The following COQ8A variants were observed in gnomAD, a reference collection of about 807,000 sequenced individuals.
COQ8A encodes the protein atypical kinase COQ8A, mitochondrial.
A neutral mutation model predicts 65.0 loss-of-function variants in COQ8A; 51 were observed. That is an observed-to-expected ratio of 0.78 (90% CI 0.63 to 0.99). The LOEUF (loss-of-function observed/expected upper bound fraction) is 0.99. COQ8A is among the 50% of genes least tolerant of loss of function. The pLI, the probability that COQ8A is intolerant of heterozygous loss-of-function variation, is 0.00. For missense variants in COQ8A, 940 were observed against 875.0 expected (o/e 1.07, Z -0.94); for synonymous variants, 371 against 353.2 (o/e 1.05, Z -0.57).
At chr1:226,981,889 T>C in intron 5 of COQ8A, 138 bp from the exon 6 acceptor site, 1 of 1,300,716 alleles carries the variant, frequency 7.7e-7, no homozygotes, top group Non-Finnish European at 1.1e-6. Flanking sequence ...CATGGAACAG[T>C]AGTTAGTTAT....
Position 226,949,938 on chromosome 1 carries a change from A to C in COQ8A, c.-10+9539A>C, listed in dbSNP as rs1473043340. 6.6e-6 allele frequency among the ~76,000 whole-genome samples: 1 copy of C among 152,240 alleles called. No homozygotes were observed. The highest frequency in any genetic ancestry group is 2.4e-5 in the African/African-American group (1 of 41,458). ...AGTGGCAGAGTCATGATGTGAACCC[A>C]GATCACCTAACCTCAGAGCATCTTA... is the stretch of plus-strand genomic sequence containing the variant. On this transcript the variant is annotated intron_variant, in intron 1 of 14. Coordinates refer to ENST00000366777, the MANE Select transcript of COQ8A (RefSeq NM_020247.5). The surrounding 1 kb of genome is among the most constrained non-coding windows in gnomAD (Gnocchi z 4.0).
In COQ8A at chr1:226,972,451, A is replaced by C. The variant is rs763352303; in HGVS notation, c.656-4998A>C. Among the ~76,000 whole-genome samples the C allele has an allele frequency of 6.6e-5, 10 of 152,308 alleles. No homozygotes were observed. The highest frequency in any genetic ancestry group is 2.2e-4 in the African/African-American group (9 of 41,576). ...GAGGGAATGGACCTTTGGGTATCCT[A>C]TTATTTTTAAAAGGTAAAAGGTTGG... On this transcript the variant is annotated intron_variant, in intron 4 of 14. Transcript: ENST00000366777. This position sits in a 1 kb window ranked among gnomAD's most constrained non-coding sequence, Gnocchi z 4.3.
chr1:226,942,101 C>CA (rs754666007), intron 1 of COQ8A, among the ~76,000 whole-genome samples: 18 of 152,096 alleles, frequency 1.2e-4, no homozygotes, highest in Non-Finnish European at 2.4e-4. Flanking sequence ...TTGTGACCAT[C>CA]AAAAGTGTTT....
chr1:226,968,136 A>C (rs1289326025), intron 4 of COQ8A, among the ~76,000 whole-genome samples: 2 of 152,198 alleles, frequency 1.3e-5, no homozygotes, highest in African/African-American at 4.8e-5. Context: ...GTTTGAGACC[A>C]GCCTGGCCAA....
chr1:226,971,054 C>T (rs1361201095), intron 4 of COQ8A, among the ~76,000 whole-genome samples: 1 of 151,984 alleles, frequency 6.6e-6, no homozygotes, highest in East Asian at 2.0e-4. Flanking sequence ...GATTCTCCTG[C>T]CTCAGCCTCC....
chr1:226,944,381 G>A (rs1198977981), intron 1 of COQ8A, among the ~76,000 whole-genome samples: 1 of 152,100 alleles, frequency 6.6e-6, no homozygotes, highest in Non-Finnish European at 1.5e-5. Context: ...CAGGAGAGCA[G>A]AGAGTGGGCT....
chr1:226,983,700 A>T, intron 9 of COQ8A, 61 bp from the exon 10 acceptor site: 5 of 1,612,240 alleles, frequency 3.1e-6, no homozygotes, highest in Non-Finnish European at 4.2e-6. Context: ...GGTTCTGGGG[A>T]CCAGAGGGGG....
intron 1 of COQ8A, among the ~76,000 whole-genome samples, chr1:226,957,818 A>G (rs1190588962): frequency 6.6e-6 from 1 of 152,188 alleles, no homozygotes; most frequent in Non-Finnish European, 1.5e-5. Context: ...GAAGGTCCCC[A>G]TGACCCAAAT....
intron 4 of COQ8A, among the ~76,000 whole-genome samples, chr1:226,974,440 GGATCT>G (rs1378475859): frequency 7.7e-4 from 117 of 152,348 alleles, no homozygotes; most frequent in African/African-American, 2.6e-3. Flanking sequence ...CTTAGAATGT[GGATCT>G]GAGCAGGGAG....
chr1:226,953,271 A>G (rs1416377199), intron 1 of COQ8A, among the ~76,000 whole-genome samples: 2 of 152,000 alleles, frequency 1.3e-5, no homozygotes, highest in South Asian at 4.2e-4. Flanking sequence ...TTCGTGATCC[A>G]CCAGCCTTGG....
chr1:226,987,223 T>A lies in COQ8A; in HGVS notation c.*486T>A. 1 of 186,806 alleles carries A rather than the reference T, an allele frequency of 5.4e-6. No homozygotes were observed. The highest frequency in any genetic ancestry group is 1.1e-5 in the Non-Finnish European group (1 of 88,612). 11.6% of individuals were successfully genotyped at this position (186,806 alleles called of 1,614,324 possible). On this transcript the variant is annotated 3_prime_UTR_variant, in exon 15 of 15. Coordinates refer to ENST00000366777, the MANE Select transcript of COQ8A (RefSeq NM_020247.5). Reference sequence around the variant, plus strand: ...GCCGATGGGCTGGAGCTGGGAGAGGTGCTGAGCTAACAGTGCCAACAAGTG... The same window carrying A: ...GCCGATGGGCTGGAGCTGGGAGAGGAGCTGAGCTAACAGTGCCAACAAGTG...
Position 226,946,694 on chromosome 1 carries a change from T to TG in COQ8A, c.-10+6296dup, listed in dbSNP as rs1419974962. 1.3e-5 allele frequency among the ~76,000 whole-genome samples: 2 copies of TG among 152,222 alleles called. No individual in the cohort carries two copies. The highest frequency in any genetic ancestry group is 3.8e-4 in the East Asian group (2 of 5,200). On this transcript the variant is annotated intron_variant, in intron 1 of 14. Transcript: ENST00000366777. The surrounding 1 kb of genome is among the most constrained non-coding windows in gnomAD (Gnocchi z 5.3). ...AAGCTATCGAGGTTTTACATACACA[T>TG]GTAGTGCCTAAGGGTTGTGTGTGAC...
intron 4 of COQ8A, among the ~76,000 whole-genome samples, chr1:226,969,099 T>C (rs1658735331): frequency 6.6e-6 from 1 of 152,206 alleles, no homozygotes; most frequent in East Asian, 1.9e-4. Context: ...TAATTCATGT[T>C]GAGTGCAGTG....
At chr1:226,944,645 G>T (rs912213195) in intron 1 of COQ8A, among the ~76,000 whole-genome samples, 2 of 148,944 alleles carry the variant, frequency 1.3e-5, no homozygotes, top group Admixed American at 1.3e-4. Flanking sequence ...AGGGGTGGGG[G>T]CTTGAAGAGC....
At position 226,978,858 on chromosome 1, in the gene COQ8A, C is replaced by T. The variant is rs1474568678; in HGVS notation, c.730+1335C>T. On this transcript the variant is annotated intron_variant, in intron 5 of 14. Transcript: ENST00000366777. ...CTTACACACCCACCTCATACCTGCACACCACCTTACACACCCTCCACACAC... is the reference window on the plus strand; with the variant it reads ...CTTACACACCCACCTCATACCTGCATACCACCTTACACACCCTCCACACAC... Among the ~76,000 whole-genome samples, 3 of 125,168 alleles carry T rather than the reference C, an allele frequency of 2.4e-5. 1 individual carries two copies. The highest frequency in any genetic ancestry group is 5.5e-5 in the Non-Finnish European group (3 of 54,370). 82.1% of individuals were successfully genotyped at this position (125,168 alleles called of 152,430 possible). A position where few individuals can be genotyped will look rare whatever the true frequency, so the allele number is the denominator to read the frequency against.
intron 1 of COQ8A, among the ~76,000 whole-genome samples, chr1:226,945,738 A>G (rs1026118108): frequency 1.6e-4 from 25 of 152,234 alleles, no homozygotes; most frequent in Admixed American, 6.5e-5. Context: ...GCTGAGGAAC[A>G]GCTGCCTGCT....
At chr1:226,960,494 G>GTACTTGGTGGTACT (rs1658165521) in intron 1 of COQ8A, among the ~76,000 whole-genome samples, 23 of 58,606 alleles carry the variant, frequency 3.9e-4, no homozygotes, top group South Asian at 1.8e-3. Flanking sequence ...CTTGGTGGTG[G>GTACTTGGTGGTACT]TGGTGGTGCT....
intron 1 of COQ8A, among the ~76,000 whole-genome samples, chr1:226,955,089 A>G (rs1052700032): frequency 6.6e-6 from 1 of 152,004 alleles, no homozygotes; most frequent in African/African-American, 2.4e-5. Context: ...GCCATGGTGA[A>G]CGGTTGCTGC....
intron 5 of COQ8A, among the ~76,000 whole-genome samples, chr1:226,980,216 G>T (rs1659604374): frequency 6.6e-6 from 1 of 152,228 alleles, no homozygotes; most frequent in Non-Finnish European, 1.5e-5. Flanking sequence ...GGGGCACACT[G>T]CCGTAGCCCT....
Sources: gnomAD v4.1 joint callset for allele counts (sites outside exome capture counted in the v4.1 genomes callset) on GRCh38, gnomAD v4.1.1 for gene constraint, Gnocchi (gnomAD v3.1) non-coding constraint, MANE v1.5 for transcripts, NCBI Gene and HGNC (gene_info 2026-07-23, HGNC 2026-07-21) for gene names.